The following TNFAIP8L3 variants were observed in gnomAD, a reference collection of about 807,000 sequenced individuals.
The protein encoded by TNFAIP8L3 is TNF alpha induced protein 8 like 3.
Under a neutral mutation model 11.8 loss-of-function variants are expected in TNFAIP8L3, and 7 were observed. That is an observed-to-expected ratio of 0.59 (90% confidence interval 0.34 to 1.11). The LOEUF is 1.11. Among genes scored for constraint, TNFAIP8L3 ranks in the 50% most tolerant of loss-of-function variants. The probability of loss-of-function intolerance (pLI) is 0.03; values close to 1 mark genes in which losing one functional copy is unlikely to be tolerated. For missense variants in TNFAIP8L3, 219 were observed against 258.6 expected, an observed-to-expected ratio of 0.85 and a Z score of 1.05; for synonymous variants, 98 against 103.8, an observed-to-expected ratio of 0.94 and a Z score of 0.34.
chr15:51,074,850 G>A (rs946908045), intron 1 of TNFAIP8L3, among the ~76,000 whole-genome samples: 7 of 152,122 alleles, frequency 4.6e-5, no homozygotes, highest in Non-Finnish European at 1.0e-4. Flanking sequence ...CTCCCACCAT[G>A]AGCCCCTGGC....
chr15:51,070,642 C>T (rs11070832), intron 1 of TNFAIP8L3, among the ~76,000 whole-genome samples: 30,934 of 152,110 alleles, frequency 0.2, 3,626 homozygotes, highest in East Asian at 0.44. Context: ...GTGCTTCAGC[C>T]TGCCACACTG....
In TNFAIP8L3 at chr15:51,082,565, TA is replaced by T. The variant is rs201898722; in HGVS notation, c.52+11978del. Among the ~76,000 whole-genome samples, 753 of 152,356 alleles carry T rather than the reference TA, an allele frequency of 4.9e-3. 11 individuals carry two copies. The highest frequency in any genetic ancestry group is 0.031 in the East Asian group (159 of 5,184). On this transcript the variant is annotated intron_variant, in intron 1 of 1. Transcript: ENST00000637513. ...AAAAACATTTTTCTTTCTTCAGTGA[TA>T]AATTACCCTTAGCTTACTGAAACTT...
chr15:51,104,372 C>T (rs1036377728), intron 1 of TNFAIP8L3, among the ~76,000 whole-genome samples: 1 of 152,134 alleles, frequency 6.6e-6, no homozygotes, highest in Non-Finnish European at 1.5e-5. Context: ...ATCCTAAAGC[C>T]GGCCTCTTTA....
At chr15:51,104,911 C>T in intron 1 of TNFAIP8L3, 1 of 1,501,014 alleles carries the variant, frequency 6.7e-7, no homozygotes. Flanking sequence ...CAGATGCCAG[C>T]TCTGTGCATC....
chr15:51,063,477 G>T (rs2065252526), intron 1 of TNFAIP8L3, among the ~76,000 whole-genome samples: 1 of 152,192 alleles, frequency 6.6e-6, no homozygotes, highest in South Asian at 2.1e-4. Context: ...CTTAAGAGTG[G>T]AGGAAGATTA....
chr15:51,105,199 G>A, exon 1 of TNFAIP8L3: 5 of 1,610,820 alleles, frequency 3.1e-6, no homozygotes, highest in Non-Finnish European at 4.2e-6. Flanking sequence ...GTCCTTCTTG[G>A]GACAGTAGCC....
At chr15:51,076,611 A>G (rs1484796745) in intron 1 of TNFAIP8L3, among the ~76,000 whole-genome samples, 2 of 152,222 alleles carry the variant, frequency 1.3e-5, no homozygotes, top group East Asian at 3.8e-4. Context: ...CTGCACAATC[A>G]AGATGCCAGG....
intron 1 of TNFAIP8L3, among the ~76,000 whole-genome samples, chr15:51,080,516 C>T (rs2065383494): frequency 6.6e-6 from 1 of 152,136 alleles, no homozygotes; most frequent in African/African-American, 2.4e-5. Flanking sequence ...CTGGGTCCTC[C>T]CTTCACTCTT....
Position 51,056,887 on chromosome 15 carries a change from C to T in TNFAIP8L3, c.*994G>A, listed in dbSNP as rs1447628749. The T allele has an allele frequency of 6.6e-6, 1 of 151,764 alleles. No individual in the cohort carries two copies. Among genetic ancestry groups the T allele is most frequent in the Non-Finnish European group, 1.5e-5 (1 of 67,962 alleles). The allele number at this position is 151,764 out of a possible 1,614,324, so 9.4% of individuals were successfully genotyped here. On this transcript the variant is annotated 3_prime_UTR_variant, in exon 2 of 2. Transcript: ENST00000637513. ...CTGAACATCTAAGACCTCAAAAACA[C>T]CTCTTTTTAAAAAAATTATTATTAT...
intron 1 of TNFAIP8L3, among the ~76,000 whole-genome samples, chr15:51,087,273 CA>C (rs2140978643): frequency 6.6e-6 from 1 of 152,304 alleles, no homozygotes; most frequent in East Asian, 1.9e-4. Context: ...AGCCATGACT[CA>C]ATTGTGGCAG....
At chr15:51,067,697 T>A (rs534756680) in intron 1 of TNFAIP8L3, among the ~76,000 whole-genome samples, 10 of 152,354 alleles carry the variant, frequency 6.6e-5, no homozygotes, top group African/African-American at 2.4e-4. Context: ...TATGTTTATG[T>A]GTGCTTGGTT....
At chr15:51,093,993 G>T (rs917359942) in intron 1 of TNFAIP8L3, among the ~76,000 whole-genome samples, 2 of 152,094 alleles carry the variant, frequency 1.3e-5, no homozygotes, top group African/African-American at 4.8e-5. Flanking sequence ...GACCTTCTCC[G>T]CCGGCTGCGC....
At chr15:51,074,823 T>C (rs1258238301) in intron 1 of TNFAIP8L3, among the ~76,000 whole-genome samples, 1 of 152,164 alleles carries the variant, frequency 6.6e-6, no homozygotes, top group East Asian at 1.9e-4. Flanking sequence ...AGGTTGTTTG[T>C]TGCCGCTGAA....
chr15:51,073,550 A>G (rs1162021064), intron 1 of TNFAIP8L3, among the ~76,000 whole-genome samples: 1 of 152,188 alleles, frequency 6.6e-6, no homozygotes. Flanking sequence ...CTTATCTCCA[A>G]TTGAGACATT....
At chr15:51,096,230 G>A (rs1424416538), upstream of TNFAIP8L3, among the ~76,000 whole-genome samples, 1 of 152,130 alleles carries the variant, frequency 6.6e-6, no homozygotes, top group Non-Finnish European at 1.5e-5. Context: ...GAAGGCTGCC[G>A]TCTTTAGTGA....
chr15:51,058,862 C>T (rs535769818), intron 1 of TNFAIP8L3, among the ~76,000 whole-genome samples: 5 of 152,346 alleles, frequency 3.3e-5, no homozygotes, highest in African/African-American at 7.2e-5. Flanking sequence ...AATGTAGCCC[C>T]ATTGTCAACC....
chr15:51,103,023 C>G (rs899321191), intron 1 of TNFAIP8L3, among the ~76,000 whole-genome samples: 1 of 152,104 alleles, frequency 6.6e-6, no homozygotes, highest in Non-Finnish European at 1.5e-5. Flanking sequence ...TTCCCTCCAT[C>G]TCCTCCCCTT....
intron 1 of TNFAIP8L3, among the ~76,000 whole-genome samples, chr15:51,093,143 A>C (rs2065484725): frequency 6.6e-6 from 1 of 152,228 alleles, no homozygotes. Context: ...ACAGGCATGC[A>C]AAGGGCTCAT....
At chr15:51,076,142 A>T (rs1354966101) in intron 1 of TNFAIP8L3, among the ~76,000 whole-genome samples, 1 of 152,240 alleles carries the variant, frequency 6.6e-6, no homozygotes, top group Non-Finnish European at 1.5e-5. Flanking sequence ...TATACTCTGT[A>T]GTAAAACTGG....
Sources: gnomAD v4.1 joint callset for allele counts (sites outside exome capture counted in the v4.1 genomes callset) on GRCh38, gnomAD v4.1.1 for gene constraint, MANE v1.5 for transcripts, NCBI Gene and HGNC (gene_info 2026-07-23, HGNC 2026-07-21) for gene names.